CAST: variants seen among roughly 807,000 people sequenced by gnomAD.
The protein encoded by CAST is calpastatin.
In CAST, 76 loss-of-function variants were observed where a neutral mutation model predicts 119.6. That is an observed-to-expected ratio of 0.64 (90% CI 0.53 to 0.77). The LOEUF is 0.77. CAST is among the 30% of genes least tolerant of loss of function. The probability of loss-of-function intolerance (pLI) is 0.00; values close to 1 mark genes in which losing one functional copy is unlikely to be tolerated. For synonymous variants in CAST, 319 were observed against 331.6 expected, an observed-to-expected ratio of 0.96 and a Z score of 0.41; for missense variants, 953 against 946.5, an observed-to-expected ratio of 1.01 and a Z score of -0.09.
At chr5:96,211,416 G>A in the CAST span, among the ~76,000 whole-genome samples, 1 of 151,880 alleles carries the variant, frequency 6.6e-6, no homozygotes, top group Admixed American at 6.6e-5. Context: ...TTTTTCTTTA[G>A]TCTGTTAAAT....
chr5:96,316,810 A>G, the CAST span, among the ~76,000 whole-genome samples: 1 of 152,252 alleles, frequency 6.6e-6, no homozygotes, highest in Non-Finnish European at 1.5e-5. Flanking sequence ...CACCTGGGTT[A>G]TATATGCTGT....
At chr5:96,425,013 AAAGAAAGAAAGAAAGAAAGAAAG>A in the CAST span, among the ~76,000 whole-genome samples, 3 of 22,894 alleles carry the variant, frequency 1.3e-4, no homozygotes, top group Non-Finnish European at 2.9e-4. Flanking sequence ...GAAAGAAAAG[AAAGAAAGAAAGAAAGAAAGAAAG>A]AAAGAAAGAA....
At chr5:96,568,028 T>C (rs1746504348) in intron 1 of CAST, among the ~76,000 whole-genome samples, 1 of 152,176 alleles carries the variant, frequency 6.6e-6, no homozygotes, top group South Asian at 2.1e-4. Context: ...GGGTTTAGAT[T>C]TCTTAGACTT....
Position 96,741,563 on chromosome 5 carries a change from A to G in CAST, c.1081A>G (p.Lys361Glu). 1 of 1,612,852 alleles carries G rather than the reference A, an allele frequency of 6.2e-7. No homozygotes were observed. Among genetic ancestry groups the G allele is most frequent in the Non-Finnish European group, 8.5e-7 (1 of 1,178,862 alleles). Residue 361 changes from lysine (K) to glutamate (E), a missense_variant, in exon 15 of 32, where the codon AAA (lysine) becomes GAA (glutamate). By Grantham distance (56) the Lys-to-Glu change is moderately conservative. Transcript: ENST00000675179. Reference protein sequence around the residue: ...VRSAAPPQEKKRKVEKDTMSD... With the variant: ...VRSAAPPQEKERKVEKDTMSD... ...AAGTGCTGCTCCACCCCAAGAGAAG[A>G]AAAGAAAGGTGGAGAAGGTATAGTC...
the CAST span, among the ~76,000 whole-genome samples, chr5:96,249,862 T>C: frequency 6.6e-6 from 1 of 152,192 alleles, no homozygotes; most frequent in East Asian, 1.9e-4. Flanking sequence ...TCCTCTACCA[T>C]ATTCCCATAG....
the CAST span, among the ~76,000 whole-genome samples, chr5:96,108,955 G>A: frequency 6.6e-6 from 1 of 152,362 alleles, no homozygotes; most frequent in Non-Finnish European, 1.5e-5. Flanking sequence ...CATCGGAAAA[G>A]CGCAGTATTT....
chr5:96,107,206 G>A, the CAST span, among the ~76,000 whole-genome samples: 1 of 152,050 alleles, frequency 6.6e-6, no homozygotes, highest in South Asian at 2.1e-4. Context: ...TTTAATTGGA[G>A]CATTTTGTCC....
chr5:95,980,203 A>G, the CAST span: 2 of 152,244 alleles, frequency 1.3e-5, no homozygotes, highest in African/African-American at 2.4e-5. Context: ...GTAGACATAT[A>G]TAGAAAATAT....
At chr5:96,160,613 T>G in the CAST span, among the ~76,000 whole-genome samples, 1 of 152,204 alleles carries the variant, frequency 6.6e-6, no homozygotes, top group Non-Finnish European at 1.5e-5. Flanking sequence ...TCAAGTCTTC[T>G]GGGCATTTAC....
chr5:96,043,885 G>A, the CAST span, among the ~76,000 whole-genome samples: 1 of 152,136 alleles, frequency 6.6e-6, no homozygotes, highest in Non-Finnish European at 1.5e-5. Context: ...GAGAAGAGAA[G>A]AATCAATGCA....
At chr5:96,735,130 C>T (rs1042234573) in intron 9 of CAST, among the ~76,000 whole-genome samples, 2 of 152,236 alleles carry the variant, frequency 1.3e-5, no homozygotes, top group Non-Finnish European at 2.9e-5. Flanking sequence ...GCAATTGTAA[C>T]AGTCACTTAT....
At chr5:96,230,617 C>T in the CAST span, among the ~76,000 whole-genome samples, 2 of 152,000 alleles carry the variant, frequency 1.3e-5, no homozygotes, top group South Asian at 4.2e-4. Flanking sequence ...ACTCCAAAAA[C>T]GTAAGCAATG....
rs117595711 is a variant in CAST, at chr5:96,567,617, C to G, written c.60+37737C>G. Among the ~76,000 whole-genome samples the G allele has an allele frequency of 3.2e-4, 49 of 152,256 alleles. No individual in the cohort carries two copies. The East Asian group carries it at 8.3e-3, about 26-fold the overall frequency. On this transcript the variant is annotated intron_variant, in intron 1 of 11. Coordinates refer to the CAST transcript ENST00000505143. ...TGTTTGTACTTAACCATTTTCCTAA[C>G]CTACTCTTATTTTTTCTGTTGACTA...
chr5:96,636,086 T>C (rs1747880970), intron 1 of CAST, among the ~76,000 whole-genome samples: 1 of 152,182 alleles, frequency 6.6e-6, no homozygotes. Context: ...ATAATAGTGA[T>C]AGTACCAACC....
the CAST span, among the ~76,000 whole-genome samples, chr5:96,277,697 A>T: frequency 6.6e-6 from 1 of 152,124 alleles, no homozygotes; most frequent in Admixed American, 6.6e-5. Flanking sequence ...AAGGGATGTG[A>T]GTGTGTGCTA....
At chr5:96,318,316 G>A in the CAST span, among the ~76,000 whole-genome samples, 1 of 152,214 alleles carries the variant, frequency 6.6e-6, no homozygotes, top group Non-Finnish European at 1.5e-5. Context: ...TTCCAGCTCA[G>A]CCTGGTATGT....
the CAST span, among the ~76,000 whole-genome samples, chr5:96,245,435 A>G: frequency 6.6e-6 from 1 of 152,204 alleles, no homozygotes; most frequent in Non-Finnish European, 1.5e-5. Context: ...ATCTCATAGG[A>G]GTGTACAGAA....
At chr5:96,567,584 T>A (rs1746492676) in intron 1 of CAST, among the ~76,000 whole-genome samples, 1 of 152,188 alleles carries the variant, frequency 6.6e-6, no homozygotes, top group Non-Finnish European at 1.5e-5. Flanking sequence ...AAACAGGGAC[T>A]TCCATTCTGT....
At chr5:96,431,136 G>A in the CAST span, among the ~76,000 whole-genome samples, 2 of 152,160 alleles carry the variant, frequency 1.3e-5, no homozygotes, top group African/African-American at 4.8e-5. Context: ...TGATTTGTAT[G>A]ATGTCCACAG....
Sources: allele counts gnomAD v4.1 joint callset (sites outside exome capture counted in the v4.1 genomes callset), GRCh38; gene constraint gnomAD v4.1.1; transcripts MANE v1.5; gene names NCBI Gene and HGNC (gene_info 2026-07-23, HGNC 2026-07-21).